The following TBC1D14 variants were observed in gnomAD, a reference collection of about 807,000 sequenced individuals.
TBC1D14 encodes TBC1 domain family, member 14.
A neutral mutation model predicts 79.0 loss-of-function variants in TBC1D14; 26 were observed. The observed-to-expected ratio is 0.33, with a 90% CI of 0.24 to 0.46. The LOEUF is 0.46. Among genes scored for constraint, TBC1D14 ranks in the 20% least tolerant of loss-of-function variants. TBC1D14 has a pLI of 1.00. For missense variants in TBC1D14, 769 were observed against 887.6 expected (o/e 0.87, Z 1.70); for synonymous variants, 394 against 349.9 (o/e 1.13, Z -1.40).
At chr4:7,009,819 C>A in intron 9 of TBC1D14, 58 bp from the exon 10 acceptor site, 1 of 1,543,650 alleles carries the variant, frequency 6.5e-7, no homozygotes, top group South Asian at 1.1e-5. Context: ...ATCAGATGTT[C>A]GTCTGAGCAC....
At chr4:6,994,737 G>C (rs56359612) in intron 4 of TBC1D14, among the ~76,000 whole-genome samples, 3 of 151,916 alleles carry the variant, frequency 2.0e-5, no homozygotes, top group South Asian at 4.1e-4. Context: ...GATGGGTGCC[G>C]TAATCCTAGC....
chr4:6,959,262 G>A (rs993572938), intron 2 of TBC1D14, among the ~76,000 whole-genome samples: 3 of 152,218 alleles, frequency 2.0e-5, no homozygotes, highest in African/African-American at 4.8e-5. Context: ...ACTTAAGAGT[G>A]TGTGTCACTG....
intron 2 of TBC1D14, among the ~76,000 whole-genome samples, chr4:6,933,744 G>T (rs1315154719): frequency 6.6e-6 from 1 of 152,206 alleles, no homozygotes; most frequent in Non-Finnish European, 1.5e-5. Context: ...TCAGAAGTCT[G>T]CCTGCCATAG....
At chr4:6,967,541 C>T in intron 3 of TBC1D14, 117 bp downstream of exon 3, 1 of 1,301,186 alleles carries the variant, frequency 7.7e-7, no homozygotes, top group Non-Finnish European at 1.0e-6. Context: ...GTATTATCTG[C>T]ATACCACGTT....
chr4:7,007,118 C>A (rs920702348), intron 9 of TBC1D14, among the ~76,000 whole-genome samples: 4 of 152,152 alleles, frequency 2.6e-5, no homozygotes, highest in Non-Finnish European at 4.4e-5. Flanking sequence ...TGGGCTTCGG[C>A]TCAGATGAGC....
chr4:6,967,360 G>C lies in TBC1D14; in HGVS notation c.779G>C (p.Trp260Ser). Reference protein sequence around the residue: ...ARLDKHNDLGWKLFGKAPLRE... With the variant: ...ARLDKHNDLGSKLFGKAPLRE... ...CTTGACAAACACAATGACTTGGGAT[G>C]GAAGTTATTTGGGAAAGCGCCACTC... Residue 260 changes from tryptophan to serine, a missense_variant, in exon 3 of 14, where the codon TGG becomes TCG. Around this residue, in one of 2 missense-constraint regions of TBC1D14, gnomAD observed 402 missense variants for 393.2 expected, o/e 1.02. Transcript: ENST00000409757. 1 of 1,614,070 alleles carries C rather than the reference G, an allele frequency of 6.2e-7. No homozygotes were observed. Among genetic ancestry groups the C allele is most frequent in the Non-Finnish European group, 8.5e-7 (1 of 1,180,010 alleles).
chr4:6,912,505 T>G (rs1309987260), intron 1 of TBC1D14, among the ~76,000 whole-genome samples: 1 of 152,172 alleles, frequency 6.6e-6, no homozygotes, highest in Non-Finnish European at 1.5e-5. Flanking sequence ...GCTAGTCACT[T>G]GGTTTTATAG....
Position 6,966,246 on chromosome 4 carries a change from C to G in TBC1D14, c.723-1058C>G, listed in dbSNP as rs909713332. Among the ~76,000 whole-genome samples the G allele has an allele frequency of 2.0e-5, 3 of 152,188 alleles. No individual in the cohort carries two copies. In the South Asian group the frequency reaches 6.2e-4, roughly 31 times the overall value. On this transcript the variant is annotated intron_variant, in intron 2 of 13. Transcript: ENST00000409757. ...TTCTTTGAGAACTTTCTTTCTAGTC[C>G]AGCAAGATGCTGCAGGCTCATCTTG...
At chr4:6,910,091 T>C (rs537039106) in intron 1 of TBC1D14, 140 bp downstream of exon 1, 45 of 149,548 alleles carry the variant, frequency 3.0e-4, no homozygotes, top group African/African-American at 1.1e-3. Context: ...TCCTGCTGGG[T>C]GTCCCTCGCC....
chr4:6,978,043 G>A (rs1326243257), intron 3 of TBC1D14, among the ~76,000 whole-genome samples: 4 of 151,684 alleles, frequency 2.6e-5, no homozygotes, highest in Non-Finnish European at 4.4e-5. Flanking sequence ...GACTCCGCCC[G>A]GCAGCCACCC....
intron 3 of TBC1D14, among the ~76,000 whole-genome samples, chr4:6,991,807 T>A (rs769873655): frequency 7.9e-5 from 12 of 152,206 alleles, no homozygotes; most frequent in Non-Finnish European, 1.8e-4. Flanking sequence ...CACTCAGAGG[T>A]GCTGGGCTTG....
intron 1 of TBC1D14, among the ~76,000 whole-genome samples, chr4:6,920,340 G>A (rs1197015162): frequency 6.7e-6 from 1 of 149,254 alleles, no homozygotes; most frequent in Non-Finnish European, 1.5e-5. Context: ...GGTGATCATA[G>A]CTCATTGCTA....
intron 2 of TBC1D14, among the ~76,000 whole-genome samples, chr4:6,962,340 A>T (rs1433005686): frequency 6.6e-6 from 1 of 152,054 alleles, no homozygotes; most frequent in Non-Finnish European, 1.5e-5. Context: ...GGCACTGACC[A>T]TGTGTGGGTT....
chr4:6,921,213 A>G (rs1723828102), intron 1 of TBC1D14, among the ~76,000 whole-genome samples: 1 of 149,596 alleles, frequency 6.7e-6, no homozygotes, highest in African/African-American at 2.5e-5. Flanking sequence ...TTTTTTATTT[A>G]TTTATTTTTG....
Position 6,923,641 on chromosome 4 carries a change from C to T in TBC1D14, c.252C>T (p.Val84=), listed in dbSNP as rs375266892. The T allele has an allele frequency of 9.9e-6, 16 of 1,613,816 alleles. No individual in the cohort carries two copies. Among genetic ancestry groups the T allele is most frequent in the African/African-American group, 1.3e-5 (1 of 74,940 alleles). ...CGGAGCCTGTACCCTGCAGCGCGGT[C>T]CACGTGAGGAGGAAGCAGTCCGACT... ...GNPEPVPCSA[V]HVRRKQSDSD... The change falls in exon 2 of 14, where the codon GTC becomes GTT. Residue 84 remains valine, a synonymous_variant. Coordinates refer to ENST00000409757, the MANE Select transcript of TBC1D14 (RefSeq NM_020773.3).
chr4:6,920,712 C>T (rs1443734668), intron 1 of TBC1D14, among the ~76,000 whole-genome samples: 1 of 152,206 alleles, frequency 6.6e-6, no homozygotes, highest in African/African-American at 2.4e-5. Flanking sequence ...AGCCCAGGAG[C>T]GTGTGAGTCC....
chr4:6,985,643 G>A (rs967306777), intron 3 of TBC1D14, among the ~76,000 whole-genome samples: 2 of 152,172 alleles, frequency 1.3e-5, no homozygotes, highest in African/African-American at 4.8e-5. Flanking sequence ...TTATCTACAA[G>A]TTAATATGTA....
chr4:6,992,357 C>T (rs3892145), intron 3 of TBC1D14, among the ~76,000 whole-genome samples: 67,491 of 152,070 alleles, frequency 0.44, 15,651 homozygotes, highest in East Asian at 0.65. Flanking sequence ...GATATTGGGC[C>T]GGCTCAGGGC....
chr4:6,978,705 C>A (rs1451639128), intron 3 of TBC1D14, among the ~76,000 whole-genome samples: 1 of 145,482 alleles, frequency 6.9e-6, no homozygotes, highest in Non-Finnish European at 1.5e-5. Flanking sequence ...CTGCCAAATC[C>A]CCCTCTGCGA....
Sources: gnomAD v4.1 joint callset for allele counts (sites outside exome capture counted in the v4.1 genomes callset) on GRCh38, gnomAD v4.1.1 for gene constraint, gnomAD v4.1.1 regional missense constraint, MANE v1.5 for transcripts, NCBI Gene and HGNC (gene_info 2026-07-23, HGNC 2026-07-21) for gene names.